Variants in ZYG11B observed in about 807,000 individuals in gnomAD.
ZYG11B encodes protein zyg-11 homolog B.
Under a neutral mutation model 82.4 loss-of-function variants are expected in ZYG11B, and 36 were observed. The ratio of observed to expected loss-of-function variants is 0.44; its 90% CI spans 0.33 to 0.58. ZYG11B has a LOEUF of 0.58. Among genes scored for constraint, ZYG11B ranks in the 20% least tolerant of loss-of-function variants. ZYG11B has a pLI of 0.02. For missense variants in ZYG11B, 552 were observed against 895.6 expected (o/e 0.62, Z 4.90); for synonymous variants, 303 against 312.8 (o/e 0.97, Z 0.33).
chr1:52,780,064 T>G lies in ZYG11B; in HGVS notation c.1092+71T>G, dbSNP rs79432415. On this transcript the variant is annotated intron_variant, in intron 4 of 13. Coordinates refer to ENST00000294353, the MANE Select transcript of ZYG11B (RefSeq NM_024646.3). ...GGGCAGATGATTTTTTGAAGAAAAT[T>G]GGTGAAAATTTGCATTTAGTCTTTT... 8.0e-6 allele frequency: 12 copies of G among 1,497,280 alleles called. No homozygotes were observed. The East Asian group carries it at 2.7e-4, about 34-fold the overall frequency. 92.7% of individuals were successfully genotyped at this position (1,497,280 alleles called of 1,614,324 possible). A position where few individuals can be genotyped will look rare whatever the true frequency, so the allele number is the denominator to read the frequency against.
chr1:52,742,613 C>A (rs888406294), intron 1 of ZYG11B, among the ~76,000 whole-genome samples: 1 of 151,988 alleles, frequency 6.6e-6, no homozygotes, highest in African/African-American at 2.4e-5. Context: ...GAGGCGGAGG[C>A]GGGCGGATCA....
intron 4 of ZYG11B, among the ~76,000 whole-genome samples, chr1:52,780,439 A>G (rs911364579): frequency 4.6e-5 from 7 of 152,142 alleles, no homozygotes; most frequent in Non-Finnish European, 7.3e-5. Context: ...GCTTGAGCCC[A>G]GGAGTTCGAG....
chr1:52,815,187 A>G (rs1412782491), intron 12 of ZYG11B, among the ~76,000 whole-genome samples: 1 of 151,882 alleles, frequency 6.6e-6, no homozygotes, highest in African/African-American at 2.4e-5. Flanking sequence ...GGTTGGGGAA[A>G]CAGTTTGTAA....
At chr1:52,820,781 A>G (rs912157165) in intron 13 of ZYG11B, among the ~76,000 whole-genome samples, 4 of 151,560 alleles carry the variant, frequency 2.6e-5, no homozygotes, top group African/African-American at 9.7e-5. Context: ...TATGTGCAGT[A>G]TGAGTGCCAT....
At chr1:52,757,083 G>T (rs1388143195) in intron 2 of ZYG11B, among the ~76,000 whole-genome samples, 3 of 146,444 alleles carry the variant, frequency 2.0e-5, no homozygotes, top group Admixed American at 6.8e-5. Flanking sequence ...TTGTTCTGTT[G>T]CCCAGGCTGG....
chr1:52,826,577 A>G lies in ZYG11B; in HGVS notation c.*4948A>G, dbSNP rs938849520. 1 of 152,182 alleles carries G rather than the reference A, an allele frequency of 6.6e-6. No individual in the cohort carries two copies. Among genetic ancestry groups the G allele is most frequent in the African/African-American group, 2.4e-5 (1 of 41,430 alleles). The allele number at this position is 152,182 out of a possible 1,614,324, so 9.4% of individuals were successfully genotyped here. On this transcript the variant is annotated 3_prime_UTR_variant, in exon 14 of 14. Coordinates refer to ENST00000294353, the MANE Select transcript of ZYG11B (RefSeq NM_024646.3). ...TTTGGTTTCCAAATCTTAATCTAAG[A>G]TACTTTGTTAACTGACTGGTAGCCT... is the stretch of plus-strand genomic sequence containing the variant.
At chr1:52,739,572 T>G (rs1446626588) in intron 1 of ZYG11B, among the ~76,000 whole-genome samples, 1 of 152,248 alleles carries the variant, frequency 6.6e-6, no homozygotes, top group East Asian at 1.9e-4. Flanking sequence ...ACCAGAGACC[T>G]TTTATTTCAA....
At chr1:52,788,790 T>G (rs954381477) in intron 5 of ZYG11B, among the ~76,000 whole-genome samples, 2 of 152,156 alleles carry the variant, frequency 1.3e-5, no homozygotes, top group Non-Finnish European at 2.9e-5. Context: ...ATCTTTGCCC[T>G]GAGTTGAATT....
At chr1:52,815,890 G>A (rs569604820) in intron 12 of ZYG11B, among the ~76,000 whole-genome samples, 9 of 152,178 alleles carry the variant, frequency 5.9e-5, no homozygotes, top group South Asian at 4.2e-4. Flanking sequence ...AGCTGAGATC[G>A]CGCCACTGCA....
At chr1:52,777,871 C>T (rs61771060) in intron 3 of ZYG11B, among the ~76,000 whole-genome samples, 80 of 152,280 alleles carry the variant, frequency 5.3e-4, no homozygotes, top group Non-Finnish European at 9.6e-4. Context: ...ATGAGATAGT[C>T]GCTCTGAATG....
chr1:52,796,960 T>A (rs564948022), intron 8 of ZYG11B, among the ~76,000 whole-genome samples, 176 bp downstream of exon 8: 976 of 86,640 alleles, frequency 0.011, 23 homozygotes, highest in African/African-American at 0.052. Flanking sequence ...AATTATATAT[T>A]ATATATAATA....
At chr1:52,776,229 A>AAAAAAATATATATATATATATATATAT in intron 3 of ZYG11B, among the ~76,000 whole-genome samples, 13 of 23,536 alleles carry the variant, frequency 5.5e-4, no homozygotes, top group Admixed American at 8.1e-4. Flanking sequence ...TAAAAAAAAA[A>AAAAAAATATATATATATATATATATAT]ATATATATAT....
chr1:52,808,826 T>G (rs1194603398), intron 10 of ZYG11B, among the ~76,000 whole-genome samples: 1 of 152,204 alleles, frequency 6.6e-6, no homozygotes, highest in Non-Finnish European at 1.5e-5. Flanking sequence ...TTGGATAGTT[T>G]CCCTTGCTAT....
chr1:52,772,593 C>T (rs1644762127), intron 3 of ZYG11B: 26 of 1,488,048 alleles, frequency 1.7e-5, no homozygotes, highest in Non-Finnish European at 2.3e-5. Flanking sequence ...GAAGCTGCGT[C>T]GATAGGGTAA....
chr1:52,775,070 A>G (rs1308696764), intron 3 of ZYG11B, among the ~76,000 whole-genome samples: 17 of 147,914 alleles, frequency 1.1e-4, no homozygotes, highest in Non-Finnish European at 2.1e-4. Flanking sequence ...AGCTTCCAGG[A>G]TATCATACTT....
chr1:52,735,537 C>T (rs998099507), intron 1 of ZYG11B, among the ~76,000 whole-genome samples: 1 of 151,810 alleles, frequency 6.6e-6, no homozygotes, highest in Non-Finnish European at 1.5e-5. Flanking sequence ...TCTTCCTACT[C>T]AGAATTTTTT....
chr1:52,796,538 G>A, intron 7 of ZYG11B, 147 bp downstream of exon 7: 1 of 922,802 alleles, frequency 1.1e-6, no homozygotes. Context: ...TGCAGAATTT[G>A]GCTGGGCACA....
rs1272616470 is a variant in ZYG11B, at chr1:52,767,206, GTTA to G, written c.197-3811_197-3809del. 3.4e-5 allele frequency among the ~76,000 whole-genome samples: 5 copies of G among 146,936 alleles called. 1 individual carries two copies. The highest frequency in any genetic ancestry group is 3.2e-3 in the Middle Eastern group (1 of 308). The stretch of plus-strand genomic sequence containing the variant: ...ACGTTATGTTATTTTATTTTATTTT[GTTA>G]TTTTATGTTATTTTATTTTGTTATT... On this transcript the variant is annotated intron_variant, in intron 2 of 13. Transcript: ENST00000294353.
At chr1:52,787,044 C>T (rs1471904852) in intron 5 of ZYG11B, among the ~76,000 whole-genome samples, 3 of 151,682 alleles carry the variant, frequency 2.0e-5, no homozygotes, top group East Asian at 1.9e-4. Flanking sequence ...GAGCCAAGAT[C>T]GCACCATTGA....
Sources: gnomAD v4.1 joint callset for allele counts (sites outside exome capture counted in the v4.1 genomes callset) on GRCh38, gnomAD v4.1.1 for gene constraint, MANE v1.5 for transcripts, NCBI Gene and HGNC (gene_info 2026-07-23, HGNC 2026-07-21) for gene names.